HRH1: variants seen among roughly 807,000 people sequenced by gnomAD.
The protein encoded by HRH1 is histamine receptor H1.
A neutral mutation model predicts 10.3 loss-of-function variants in HRH1; 6 were observed. That is an observed-to-expected ratio of 0.58 (90% CI 0.32 to 1.15). The LOEUF (loss-of-function observed/expected upper bound fraction) is 1.15. HRH1 is among the 50% of genes most tolerant of loss of function. The pLI is 0.05. For missense variants in HRH1, 514 were observed against 615.3 expected (o/e 0.84, Z 1.74); for synonymous variants, 242 against 236.7 (o/e 1.02, Z -0.21).
At chr3:11,209,275 A>C (rs1938242467) in intron 1 of HRH1, among the ~76,000 whole-genome samples, 1 of 152,098 alleles carries the variant, frequency 6.6e-6, no homozygotes. Flanking sequence ...TATTTTTTGT[A>C]GAGGTAGGTT....
rs1489311074 is a variant in HRH1 at position 11,260,313 on chromosome 3, C to T, written c.1276C>T (p.Leu426Phe). The T allele has an allele frequency of 1.9e-6, 3 of 1,614,160 alleles. No homozygotes were observed. The highest frequency in any genetic ancestry group is 2.5e-6 in the Non-Finnish European group (3 of 1,180,006). Reference protein sequence around the residue: ...QLGFIMAAFILCWIPYFIFFM... With the variant: ...QLGFIMAAFIFCWIPYFIFFM... ...GGGTTTTATCATGGCAGCCTTCATC[C>T]TCTGCTGGATCCCTTATTTCATCTT... Residue 426 changes from leucine (L) to phenylalanine (F), a missense_variant, in exon 2 of 2, where the codon CTC becomes TTC. Transcript: ENST00000431010.
intron 1 of HRH1, among the ~76,000 whole-genome samples, chr3:11,229,826 C>T (rs1474490967): frequency 6.6e-6 from 1 of 151,906 alleles, no homozygotes; most frequent in Non-Finnish European, 1.5e-5. Context: ...TAAACTTAGG[C>T]AAAAAAGTGG....
chr3:11,144,480 T>TACCTATAGACGTATAG (rs1936383992), intron 1 of HRH1, among the ~76,000 whole-genome samples: 10 of 11,188 alleles, frequency 8.9e-4, no homozygotes, highest in East Asian at 6.2e-3. Flanking sequence ...TAGACATATA[T>TACCTATAGACGTATAG]ATACACACAC....
In HRH1 at chr3:11,250,137, C is replaced by G. The variant is rs1340272690; in HGVS notation, c.-35-8866C>G. Among the ~76,000 whole-genome samples the G allele has an allele frequency of 3.4e-5, 5 of 146,586 alleles. No homozygotes were observed. The East Asian group carries it at 6.0e-4, about 18-fold the overall frequency. ...CGCTCACTGCAGGCTCCGACTCCCGCGTTCACGCCATTCTCCTGCCTCAGC... is the reference window on the plus strand; with the variant it reads ...CGCTCACTGCAGGCTCCGACTCCCGGGTTCACGCCATTCTCCTGCCTCAGC... On this transcript the variant is annotated intron_variant, in intron 1 of 1. Transcript: ENST00000431010.
chr3:11,167,258 G>A (rs111450038), intron 1 of HRH1, among the ~76,000 whole-genome samples: 11,250 of 116,608 alleles, frequency 0.096, 465 homozygotes, highest in East Asian at 0.23. Context: ...CATTCTCCAG[G>A]CCCGTGACAT....
At chr3:11,247,980 T>C (rs1194968606) in intron 1 of HRH1, among the ~76,000 whole-genome samples, 1 of 152,190 alleles carries the variant, frequency 6.6e-6, no homozygotes, top group Non-Finnish European at 1.5e-5. Context: ...TCCCGAACCA[T>C]TTCTCCATGA....
chr3:11,212,774 G>A (rs927429545), intron 1 of HRH1, among the ~76,000 whole-genome samples: 1 of 152,170 alleles, frequency 6.6e-6, no homozygotes, highest in African/African-American at 2.4e-5. Context: ...GTCCTTTAGT[G>A]GCTCCCTGTT....
chr3:11,216,800 A>T (rs1938514241), intron 1 of HRH1, among the ~76,000 whole-genome samples: 3 of 152,128 alleles, frequency 2.0e-5, no homozygotes, highest in Admixed American at 1.3e-4. Context: ...GAATCACTTG[A>T]AGCCAGGAGG....
At chr3:11,219,842 A>C (rs1312878619) in intron 1 of HRH1, among the ~76,000 whole-genome samples, 1 of 152,042 alleles carries the variant, frequency 6.6e-6, no homozygotes, top group Non-Finnish European at 1.5e-5. Flanking sequence ...TTTCTTCCTA[A>C]GATGACCTTA....
intron 1 of HRH1, among the ~76,000 whole-genome samples, chr3:11,253,537 A>G (rs1464102728): frequency 1.3e-5 from 2 of 152,152 alleles, no homozygotes; most frequent in Admixed American, 1.3e-4. Flanking sequence ...AAGCCTTTCT[A>G]AAAATTCTGT....
chr3:11,213,900 G>A (rs901465668), intron 1 of HRH1, among the ~76,000 whole-genome samples: 1 of 152,188 alleles, frequency 6.6e-6, no homozygotes, highest in Admixed American at 6.5e-5. Flanking sequence ...AAAATCGAAG[G>A]TGCTTCCAAA....
upstream of HRH1, among the ~76,000 whole-genome samples, chr3:11,154,210 G>C (rs1424889056): frequency 6.6e-6 from 1 of 152,180 alleles, no homozygotes; most frequent in East Asian, 1.9e-4. This position sits in a 1 kb window ranked among gnomAD's most constrained non-coding sequence, Gnocchi z 4.4. Flanking sequence ...AACCCAAGGA[G>C]CAGTCCGCCT....
At chr3:11,218,480 A>G (rs1435102902) in intron 1 of HRH1, among the ~76,000 whole-genome samples, 1 of 152,022 alleles carries the variant, frequency 6.6e-6, no homozygotes, top group Non-Finnish European at 1.5e-5. Flanking sequence ...AAAAGACACA[A>G]GAGTGATTCC....
At chr3:11,181,428 T>A (rs1181395096) in intron 1 of HRH1, among the ~76,000 whole-genome samples, 1 of 152,158 alleles carries the variant, frequency 6.6e-6, no homozygotes, top group East Asian at 1.9e-4. Context: ...ACCAGCAAGG[T>A]GTGAAGATTC....
intron 1 of HRH1, among the ~76,000 whole-genome samples, chr3:11,209,201 C>G (rs1197523647): frequency 6.6e-6 from 1 of 152,180 alleles, no homozygotes; most frequent in Non-Finnish European, 1.5e-5. Context: ...AAGCAATCCT[C>G]CCACCTTAGC....
chr3:11,235,897 G>C (rs1939168910), intron 1 of HRH1, among the ~76,000 whole-genome samples: 1 of 152,170 alleles, frequency 6.6e-6, no homozygotes, highest in African/African-American at 2.4e-5. Context: ...TGTTTTGCCT[G>C]TGCCGATTGC....
intron 1 of HRH1, among the ~76,000 whole-genome samples, chr3:11,254,498 A>G (rs1354473169): frequency 2.6e-5 from 4 of 152,168 alleles, no homozygotes; most frequent in African/African-American, 7.2e-5. Context: ...ACTGCCCCCA[A>G]GGTTTTTCTT....
chr3:11,252,280 T>C (rs770414707), intron 1 of HRH1, among the ~76,000 whole-genome samples: 17 of 152,228 alleles, frequency 1.1e-4, no homozygotes, highest in Admixed American at 3.3e-4. Flanking sequence ...ATATTTTACT[T>C]CAGGTTCTAC....
At chr3:11,144,246 C>T (rs1227928465) in intron 1 of HRH1, among the ~76,000 whole-genome samples, 1 of 151,718 alleles carries the variant, frequency 6.6e-6, no homozygotes, top group Non-Finnish European at 1.5e-5. Flanking sequence ...AAGACACCTG[C>T]ACGCGTATGT....
Sources: gnomAD v4.1 joint callset for allele counts (sites outside exome capture counted in the v4.1 genomes callset) on GRCh38, gnomAD v4.1.1 for gene constraint, Gnocchi (gnomAD v3.1) non-coding constraint, MANE v1.5 for transcripts, NCBI Gene and HGNC (gene_info 2026-07-23, HGNC 2026-07-21) for gene names.